Variants in LDLRAD4 observed in about 807,000 individuals in gnomAD.
LDLRAD4 encodes the protein low-density lipoprotein receptor class A domain-containing protein 4.
LDLRAD4 carries 5 observed loss-of-function variants against 17.0 expected under a neutral mutation model. The ratio of observed to expected loss-of-function variants is 0.29; its 90% CI spans 0.15 to 0.62. The LOEUF is 0.62. Ranked by LOEUF, LDLRAD4 falls within the 20% of genes least tolerant of loss-of-function variation. LDLRAD4 has a pLI of 0.84. For synonymous variants in LDLRAD4, 168 were observed against 171.8 expected (o/e 0.98, Z 0.17); for missense variants, 340 against 424.7 (o/e 0.80, Z 1.75).
At chr18:13,443,034 G>A (rs2091136123) in intron 3 of LDLRAD4, among the ~76,000 whole-genome samples, 1 of 152,118 alleles carries the variant, frequency 6.6e-6, no homozygotes, top group African/African-American at 2.4e-5. Flanking sequence ...TCTATATAGA[G>A]ACCTCATCAA....
At chr18:13,628,534 A>C (rs2041377817) in intron 4 of LDLRAD4, among the ~76,000 whole-genome samples, 1 of 152,252 alleles carries the variant, frequency 6.6e-6, no homozygotes. Context: ...CAGGCTGCCC[A>C]GGTGGTCATT....
intron 4 of LDLRAD4, among the ~76,000 whole-genome samples, chr18:13,639,034 C>T (rs1333663756): frequency 1.3e-5 from 2 of 152,236 alleles, no homozygotes; most frequent in Non-Finnish European, 2.9e-5. Flanking sequence ...ACAGGGAATG[C>T]ATTTCAGCCT....
chr18:13,342,558 A>G (rs1013917361), intron 1 of LDLRAD4, among the ~76,000 whole-genome samples: 3 of 117,812 alleles, frequency 2.5e-5, no homozygotes, highest in East Asian at 4.8e-4. Context: ...TTCTGACACT[A>G]TTATAAAAGG....
intron 3 of LDLRAD4, among the ~76,000 whole-genome samples, chr18:13,586,420 A>AAAAAAAAAAAAAAAAAAAT: frequency 6.7e-6 from 1 of 148,310 alleles, no homozygotes; most frequent in African/African-American, 2.5e-5. Flanking sequence ...AAAAAAAAAA[A>AAAAAAAAAAAAAAAAAAAT]AGAATAGAAA....
chr18:13,611,666 A>G, intron 3 of LDLRAD4: 1 of 985,364 alleles, frequency 1.0e-6, no homozygotes, highest in Non-Finnish European at 1.2e-6. Flanking sequence ...AAAACTGCCT[A>G]GGAACATTGA....
At chr18:13,565,760 T>C (rs999779460) in intron 3 of LDLRAD4, among the ~76,000 whole-genome samples, 1 of 152,194 alleles carries the variant, frequency 6.6e-6, no homozygotes, top group Admixed American at 6.5e-5. Context: ...CCTCACTTTG[T>C]GTGTGGAGGG....
chr18:13,309,419 C>T (rs2047103054), intron 1 of LDLRAD4, among the ~76,000 whole-genome samples: 2 of 152,190 alleles, frequency 1.3e-5, no homozygotes, highest in Non-Finnish European at 2.9e-5. Context: ...ATTTCTCTTC[C>T]AAGTAATTAT....
intron 2 of LDLRAD4, among the ~76,000 whole-genome samples, chr18:13,430,019 C>T (rs935832845): frequency 7.2e-5 from 11 of 152,000 alleles, no homozygotes; most frequent in Non-Finnish European, 1.2e-4. Flanking sequence ...TGCCTGTGGC[C>T]GTGCTCCTTG....
intron 1 of LDLRAD4, among the ~76,000 whole-genome samples, chr18:13,339,604 G>C (rs1316540874): frequency 6.7e-6 from 1 of 149,730 alleles, no homozygotes; most frequent in Admixed American, 6.6e-5. Context: ...ACAGTGTAAT[G>C]CTGATGTTTT....
intron 1 of LDLRAD4, among the ~76,000 whole-genome samples, chr18:13,351,948 G>T (rs2083061502): frequency 6.6e-6 from 1 of 152,096 alleles, no homozygotes; most frequent in African/African-American, 2.4e-5. Flanking sequence ...AGGATGCAAG[G>T]GTGGTTCAAC....
intron 1 of LDLRAD4, among the ~76,000 whole-genome samples, chr18:13,272,602 G>A (rs993456952): frequency 6.6e-6 from 1 of 152,252 alleles, no homozygotes; most frequent in Admixed American, 6.5e-5. Context: ...TGCTCCGTAT[G>A]TGTTCCTCGA....
At chr18:13,433,104 C>A (rs2090447845) in intron 2 of LDLRAD4, among the ~76,000 whole-genome samples, 1 of 152,206 alleles carries the variant, frequency 6.6e-6, no homozygotes, top group Non-Finnish European at 1.5e-5. Context: ...GTTGTCACCT[C>A]TGTACTAGGA....
chr18:13,434,107 A>G (rs1248414241), intron 2 of LDLRAD4, among the ~76,000 whole-genome samples: 1 of 152,176 alleles, frequency 6.6e-6, no homozygotes, highest in East Asian at 1.9e-4. Flanking sequence ...TAACTCCACA[A>G]CACAGAAAAA....
At chr18:13,614,492 G>A (rs557807551) in intron 3 of LDLRAD4, 1 of 152,180 alleles carries the variant, frequency 6.6e-6, no homozygotes, top group African/African-American at 2.4e-5. Flanking sequence ...CCACCTCCAA[G>A]GAAAATAAAA....
At chr18:13,599,164 G>T (rs1490718495) in intron 3 of LDLRAD4, among the ~76,000 whole-genome samples, 1 of 152,156 alleles carries the variant, frequency 6.6e-6, no homozygotes, top group Admixed American at 6.5e-5. Context: ...CATAGGCTTT[G>T]TTGGGAAGTG....
At chr18:13,538,794 G>T (rs1284565) in intron 3 of LDLRAD4, among the ~76,000 whole-genome samples, 1 of 152,086 alleles carries the variant, frequency 6.6e-6, no homozygotes, top group African/African-American at 2.4e-5. Context: ...CCAAAGTGCT[G>T]GGATGACAGG....
intron 3 of LDLRAD4, among the ~76,000 whole-genome samples, chr18:13,531,527 C>T (rs2094126846): frequency 1.3e-5 from 2 of 150,382 alleles, no homozygotes; most frequent in South Asian, 4.2e-4. Context: ...GAGTTCAAGG[C>T]TCCAGTGAGA....
At chr18:13,569,282 GC>G (rs1446114841) in intron 3 of LDLRAD4, among the ~76,000 whole-genome samples, 2 of 98,002 alleles carry the variant, frequency 2.0e-5, no homozygotes, top group Admixed American at 2.3e-4. Flanking sequence ...AGGCTCAGGG[GC>G]TCAGACTCTG....
At chr18:13,437,561 T>C (rs2090747987) in intron 2 of LDLRAD4, among the ~76,000 whole-genome samples, 1 of 152,266 alleles carries the variant, frequency 6.6e-6, no homozygotes, top group Admixed American at 6.5e-5. Context: ...CAGTGTGGCC[T>C]ATAAGGATTT....
Sources: gnomAD v4.1 joint callset for allele counts (sites outside exome capture counted in the v4.1 genomes callset) on GRCh38, gnomAD v4.1.1 for gene constraint, MANE v1.5 for transcripts, NCBI Gene and HGNC (gene_info 2026-07-23, HGNC 2026-07-21) for gene names.